The following STXBP5L variants were observed in gnomAD, a reference collection of about 807,000 sequenced individuals.
STXBP5L encodes the protein syntaxin-binding protein 5-like.
Under a neutral mutation model 144.5 loss-of-function variants are expected in STXBP5L, and 65 were observed. The observed-to-expected ratio is 0.45, with a 90% CI of 0.37 to 0.55. STXBP5L has a LOEUF of 0.55. Ranked by LOEUF, STXBP5L falls within the 20% of genes least tolerant of loss-of-function variation. The pLI, the probability that STXBP5L is intolerant of heterozygous loss-of-function variation, is 0.00. For synonymous variants in STXBP5L, 505 were observed against 469.6 expected (o/e 1.08, Z -0.97); for missense variants, 1,298 against 1,405.5 (o/e 0.92, Z 1.22).
At chr3:121,183,124 G>A (rs1191395536) in intron 9 of STXBP5L, among the ~76,000 whole-genome samples, 30 of 152,078 alleles carry the variant, frequency 2.0e-4, no homozygotes, top group Admixed American at 2.0e-3. Context: ...CACAAAATTG[G>A]CATAGAAAGG....
chr3:121,196,236 C>T (rs141857719), intron 9 of STXBP5L, among the ~76,000 whole-genome samples: 2,511 of 151,398 alleles, frequency 0.017, 64 homozygotes, highest in African/African-American at 0.057. Context: ...CTTGGCTCAC[C>T]GCAACCTCTG....
intron 7 of STXBP5L, among the ~76,000 whole-genome samples, chr3:121,131,146 A>G (rs1577029520): frequency 6.6e-6 from 1 of 152,244 alleles, no homozygotes; most frequent in Admixed American, 6.5e-5. Flanking sequence ...ATCCAACCTA[A>G]TCAAGAAAAA....
chr3:120,932,727 G>A (rs1362281660), intron 2 of STXBP5L, among the ~76,000 whole-genome samples: 1 of 152,042 alleles, frequency 6.6e-6, no homozygotes, highest in Non-Finnish European at 1.5e-5. Flanking sequence ...AAATCATGCT[G>A]CTATAAAGAC....
At chr3:120,984,321 C>T (rs1158245288) in intron 3 of STXBP5L, among the ~76,000 whole-genome samples, 1 of 152,138 alleles carries the variant, frequency 6.6e-6, no homozygotes, top group Admixed American at 6.6e-5. Context: ...ATTTTCTCCA[C>T]TTCTCCTCCA....
intron 3 of STXBP5L, among the ~76,000 whole-genome samples, chr3:121,030,440 A>G (rs1259708461): frequency 6.6e-6 from 1 of 152,162 alleles, no homozygotes; most frequent in African/African-American, 2.4e-5. Context: ...CAGAAAACCA[A>G]ACACTGCATG....
At chr3:121,126,854 A>G (rs537677842) in intron 7 of STXBP5L, among the ~76,000 whole-genome samples, 1 of 152,286 alleles carries the variant, frequency 6.6e-6, no homozygotes, top group South Asian at 2.1e-4. Context: ...GCTTTTTCAG[A>G]GGCTGCAAAA....
chr3:121,298,496 G>C (rs1161977208), intron 19 of STXBP5L, among the ~76,000 whole-genome samples: 1 of 152,090 alleles, frequency 6.6e-6, no homozygotes, highest in African/African-American at 2.4e-5. Context: ...CAAACTAAAA[G>C]CTTCTACACA....
At chr3:121,102,202 A>T (rs556199238) in intron 5 of STXBP5L, among the ~76,000 whole-genome samples, 238 of 151,980 alleles carry the variant, frequency 1.6e-3, no homozygotes, top group Admixed American at 3.0e-3. Flanking sequence ...ACAGAATTAG[A>T]AAAAAACTAT....
chr3:121,258,124 A>G (rs2050267824), intron 17 of STXBP5L, among the ~76,000 whole-genome samples: 1 of 152,156 alleles, frequency 6.6e-6, no homozygotes. Context: ...AAAGATTTGC[A>G]TCATGTTCAA....
rs554621738 is a variant in STXBP5L, at chr3:121,137,138, A to G, written c.670-15339A>G. Among the ~76,000 whole-genome samples the G allele has an allele frequency of 5.9e-5, 9 of 152,262 alleles. No homozygotes were observed. In the East Asian group the frequency reaches 1.2e-3, roughly 20 times the overall value. ...CTACCTATCAAGTATTATGCTAATTACCTGGGTGACAAAACTATTTGTACA... is the reference window on the plus strand; with the variant it reads ...CTACCTATCAAGTATTATGCTAATTGCCTGGGTGACAAAACTATTTGTACA... On this transcript the variant is annotated intron_variant, in intron 7 of 26. Coordinates refer to ENST00000471454, the MANE Select transcript of STXBP5L (RefSeq NM_001308330.2).
chr3:121,005,337 A>T (rs1282707132), intron 3 of STXBP5L, among the ~76,000 whole-genome samples: 3 of 152,134 alleles, frequency 2.0e-5, no homozygotes, highest in African/African-American at 7.2e-5. Context: ...GTTTATTTGC[A>T]TAGTGGTGTT....
intron 20 of STXBP5L, among the ~76,000 whole-genome samples, chr3:121,319,793 T>C (rs1381573065): frequency 1.3e-5 from 2 of 152,174 alleles, no homozygotes; most frequent in Non-Finnish European, 2.9e-5. Flanking sequence ...TTCAATACCC[T>C]TTATCAAATT....
At chr3:121,148,080 A>G (rs2045783835) in intron 7 of STXBP5L, among the ~76,000 whole-genome samples, 1 of 152,096 alleles carries the variant, frequency 6.6e-6, no homozygotes, top group African/African-American at 2.4e-5. Context: ...ACGTGAGCCA[A>G]TTCCTCATAA....
chr3:121,163,892 A>G (rs1156333734), intron 9 of STXBP5L, among the ~76,000 whole-genome samples: 2 of 152,192 alleles, frequency 1.3e-5, no homozygotes, highest in African/African-American at 4.8e-5. Flanking sequence ...ATTTTGTTCT[A>G]AATTTTCTGC....
chr3:121,085,708 T>C (rs777644182), intron 5 of STXBP5L, among the ~76,000 whole-genome samples: 27 of 152,306 alleles, frequency 1.8e-4, no homozygotes, highest in African/African-American at 4.3e-4. Context: ...TCCATGCTTG[T>C]GGATAGGAAG....
intron 15 of STXBP5L, 141 bp downstream of exon 15, chr3:121,250,904 C>G: frequency 1.6e-6 from 1 of 643,288 alleles, no homozygotes; most frequent in South Asian, 2.1e-5. Context: ...AATCTATTAC[C>G]TACACTGTTA....
chr3:121,341,888 G>A (rs928329220), intron 20 of STXBP5L, among the ~76,000 whole-genome samples: 12 of 151,898 alleles, frequency 7.9e-5, no homozygotes, highest in Admixed American at 7.9e-4. Flanking sequence ...TAGTTAATGA[G>A]TATAAAAAAT....
chr3:121,332,407 CAAA>C (rs201605873), intron 20 of STXBP5L, among the ~76,000 whole-genome samples: 2 of 86,540 alleles, frequency 2.3e-5, no homozygotes, highest in Admixed American at 1.1e-4. Flanking sequence ...TAGATATTTT[CAAA>C]AAAAAAAAAA....
At chr3:121,283,893 GCT>G (rs756297861) in intron 19 of STXBP5L, among the ~76,000 whole-genome samples, 2,162 of 135,434 alleles carry the variant, frequency 0.016, 27 homozygotes, top group Non-Finnish European at 0.022. Flanking sequence ...TTGTGTGTGT[GCT>G]TGTGTGTGTG....
Sources: allele counts gnomAD v4.1 joint callset (sites outside exome capture counted in the v4.1 genomes callset), GRCh38; gene constraint gnomAD v4.1.1; transcripts MANE v1.5; gene names NCBI Gene and HGNC (gene_info 2026-07-23, HGNC 2026-07-21).